The following HS3ST5 variants were observed in gnomAD, a reference collection of about 807,000 sequenced individuals.
HS3ST5 encodes heparan sulfate-glucosamine 3-sulfotransferase 5, also known as heparan sulfate glucosamine 3-O-sulfotransferase 5.
A neutral mutation model predicts 25.4 loss-of-function variants in HS3ST5; 10 were observed. That is an observed-to-expected ratio of 0.39 (90% confidence interval 0.24 to 0.67). The LOEUF (loss-of-function observed/expected upper bound fraction) is 0.67, where lower values mean the gene tolerates loss of function less well. Among genes scored for constraint, HS3ST5 ranks in the 30% least tolerant of loss-of-function variants. The pLI, the probability that HS3ST5 is intolerant of heterozygous loss-of-function variation, is 0.44. For synonymous variants in HS3ST5, 170 were observed against 162.4 expected (o/e 1.05, Z -0.36); for missense variants, 324 against 420.7 (o/e 0.77, Z 2.01).
intron 1 of HS3ST5, among the ~76,000 whole-genome samples, chr6:114,238,147 C>T (rs760633217): frequency 1.8e-4 from 28 of 152,314 alleles, no homozygotes; most frequent in Admixed American, 9.2e-4. Context: ...TTACTGAAGA[C>T]GCTGCTTGAT....
intron 3 of HS3ST5, among the ~76,000 whole-genome samples, chr6:114,140,575 A>C (rs926544517): frequency 1.3e-5 from 2 of 152,180 alleles, no homozygotes; most frequent in African/African-American, 4.8e-5. Flanking sequence ...AAGGCTTAGA[A>C]AGCACTGGAC....
At chr6:114,311,768 C>T (rs924126770) in intron 1 of HS3ST5, among the ~76,000 whole-genome samples, 4 of 152,024 alleles carry the variant, frequency 2.6e-5, no homozygotes, top group African/African-American at 9.7e-5. Flanking sequence ...TTCTTGAACT[C>T]CTGACCTCAA....
chr6:114,108,000 A>G (rs1776074847), intron 3 of HS3ST5, among the ~76,000 whole-genome samples: 1 of 152,142 alleles, frequency 6.6e-6, no homozygotes, highest in Non-Finnish European at 1.5e-5. Context: ...GAGTTCTAAA[A>G]TTCATAGGGA....
chr6:114,195,117 C>A (rs1780676848), intron 2 of HS3ST5, among the ~76,000 whole-genome samples: 1 of 152,158 alleles, frequency 6.6e-6, no homozygotes, highest in Admixed American at 6.6e-5. Flanking sequence ...AGTTTCAAGT[C>A]ATTATTAAAT....
chr6:114,073,928 A>C (rs1014084614), intron 3 of HS3ST5, among the ~76,000 whole-genome samples: 4 of 152,254 alleles, frequency 2.6e-5, no homozygotes, highest in African/African-American at 9.6e-5. Flanking sequence ...TGGATAAAGA[A>C]AAAGTGGCAC....
intron 3 of HS3ST5, among the ~76,000 whole-genome samples, chr6:114,102,392 T>G (rs1301008035): frequency 1.3e-5 from 2 of 152,204 alleles, no homozygotes; most frequent in Non-Finnish European, 2.9e-5. Flanking sequence ...TTTGTGGATC[T>G]GGAGGAGCTC....
At chr6:114,069,516 ATTTT>A (rs373504728) in intron 3 of HS3ST5, among the ~76,000 whole-genome samples, 1 of 130,674 alleles carries the variant, frequency 7.7e-6, no homozygotes. Flanking sequence ...ACATGGGAGA[ATTTT>A]TTTTTTTTTT....
chr6:114,170,841 A>G (rs749129636), intron 2 of HS3ST5, among the ~76,000 whole-genome samples: 1 of 152,186 alleles, frequency 6.6e-6, no homozygotes, highest in African/African-American at 2.4e-5. Context: ...CTTATATTTA[A>G]TTTAAACATA....
At chr6:114,063,188 G>A (rs76276841) in intron 3 of HS3ST5, among the ~76,000 whole-genome samples, 2,837 of 152,200 alleles carry the variant, frequency 0.019, 86 homozygotes, top group African/African-American at 0.063. Context: ...GTGTGTGTGT[G>A]TATATATAAA....
chr6:114,334,608 C>G (rs567345650), intron 1 of HS3ST5, among the ~76,000 whole-genome samples: 1 of 152,144 alleles, frequency 6.6e-6, no homozygotes, highest in Non-Finnish European at 1.5e-5. Flanking sequence ...CATTGTATTA[C>G]GACTGCTTAC....
chr6:114,117,360 C>A (rs1562203466), intron 3 of HS3ST5, among the ~76,000 whole-genome samples: 1 of 152,082 alleles, frequency 6.6e-6, no homozygotes, highest in Non-Finnish European at 1.5e-5. Flanking sequence ...CAAAATATTT[C>A]TCCACGCAAA....
chr6:114,124,383 T>G (rs2114886185), intron 3 of HS3ST5, among the ~76,000 whole-genome samples: 1 of 152,294 alleles, frequency 6.6e-6, no homozygotes, highest in East Asian at 1.9e-4. Context: ...GCTTATCAAT[T>G]TCTTTCATTT....
intron 2 of HS3ST5, among the ~76,000 whole-genome samples, chr6:114,190,377 G>A (rs1407263262): frequency 2.0e-5 from 3 of 152,024 alleles, no homozygotes; most frequent in South Asian, 4.2e-4. Context: ...AACATTCTGG[G>A]GTTTCCAAAA....
intron 3 of HS3ST5, among the ~76,000 whole-genome samples, chr6:114,130,609 G>T (rs1460744582): frequency 6.6e-6 from 1 of 151,950 alleles, no homozygotes; most frequent in African/African-American, 2.4e-5. Flanking sequence ...TTGCTCTGTT[G>T]CCCAGGCTGG....
intron 2 of HS3ST5, among the ~76,000 whole-genome samples, chr6:114,213,259 T>C (rs34481741): frequency 0.44 from 63,244 of 145,350 alleles, 13,799 homozygotes; most frequent in Middle Eastern, 0.46. Context: ...CTCCTCTCCT[T>C]TCCTCTCCTC....
At chr6:114,130,458 T>A (rs1393187635) in intron 3 of HS3ST5, among the ~76,000 whole-genome samples, 1 of 152,108 alleles carries the variant, frequency 6.6e-6, no homozygotes, top group African/African-American at 2.4e-5. Context: ...AAATCTGGGG[T>A]GGGAGATGGT....
At chr6:114,110,108 C>T (rs1776193282) in intron 3 of HS3ST5, among the ~76,000 whole-genome samples, 1 of 152,144 alleles carries the variant, frequency 6.6e-6, no homozygotes, top group East Asian at 1.9e-4. Flanking sequence ...CATTTACATA[C>T]AAAATATTCA....
At chr6:114,310,647 T>C (rs1775491809) in intron 1 of HS3ST5, among the ~76,000 whole-genome samples, 1 of 152,094 alleles carries the variant, frequency 6.6e-6, no homozygotes, top group South Asian at 2.1e-4. Flanking sequence ...TGACTTGCAA[T>C]AGTGGTTATG....
chr6:114,099,817 C>A (rs1775632894), intron 3 of HS3ST5, among the ~76,000 whole-genome samples: 2 of 152,090 alleles, frequency 1.3e-5, no homozygotes, highest in South Asian at 4.1e-4. Flanking sequence ...TGCAGCCTTA[C>A]CTAGGCAGCT....
Sources: gnomAD v4.1 joint callset for allele counts (sites outside exome capture counted in the v4.1 genomes callset) on GRCh38, gnomAD v4.1.1 for gene constraint, MANE v1.5 for transcripts, NCBI Gene and HGNC (gene_info 2026-07-23, HGNC 2026-07-21) for gene names.